The following FBXO31 variants were observed in gnomAD, a reference collection of about 807,000 sequenced individuals.
FBXO31 encodes F-box only protein 31.
A neutral mutation model predicts 54.4 loss-of-function variants in FBXO31; 24 were observed. The ratio of observed to expected loss-of-function variants is 0.44; its 90% CI spans 0.32 to 0.62. The LOEUF (loss-of-function observed/expected upper bound fraction) is 0.62. FBXO31 is among the 20% of genes least tolerant of loss of function. The probability of loss-of-function intolerance (pLI) is 0.05; values close to 1 mark genes in which losing one functional copy is unlikely to be tolerated. For synonymous variants in FBXO31, 388 were observed against 335.6 expected, an observed-to-expected ratio of 1.16 and a Z score of -1.71; for missense variants, 665 against 787.1, an observed-to-expected ratio of 0.84 and a Z score of 1.86.
Position 87,346,374 on chromosome 16 carries a change from C to G in FBXO31, c.489+800G>C, listed in dbSNP as rs970060751. Among the ~76,000 whole-genome samples the G allele has an allele frequency of 6.6e-6, 1 of 152,126 alleles. No homozygotes were observed. The highest frequency in any genetic ancestry group is 1.5e-5 in the Non-Finnish European group (1 of 68,032). ...ATCAGGAGAAAAGGCGGGGGCTAGA[C>G]TCGAAAGAAACTTTCACTACTGTAC... On this transcript the variant is annotated intron_variant, in intron 3 of 8. Coordinates refer to ENST00000311635, the MANE Select transcript of FBXO31 (RefSeq NM_024735.5). This position sits in a 1 kb window ranked among gnomAD's most constrained non-coding sequence, Gnocchi z 4.2.
intron 3 of FBXO31, 39 bp downstream of exon 3, chr16:87,347,135 G>A (rs927012091): frequency 6.3e-7 from 1 of 1,576,590 alleles, no homozygotes; most frequent in Non-Finnish European, 8.7e-7. Flanking sequence ...CACCACTCCT[G>A]CCCGTGCACA....
intron 1 of FBXO31, among the ~76,000 whole-genome samples, chr16:87,361,493 C>G (rs1223850369): frequency 6.6e-6 from 1 of 152,174 alleles, no homozygotes; most frequent in African/African-American, 2.4e-5. Flanking sequence ...TGACAGTGAC[C>G]TTGAAGGTCA....
rs559451069 is a variant in FBXO31, at chr16:87,329,092, A to G, written c.*2196T>C. 1.3e-5 allele frequency: 2 copies of G among 152,428 alleles called. No homozygotes were observed. The highest frequency in any genetic ancestry group is 2.1e-4 in the South Asian group (1 of 4,834). 9.4% of individuals were successfully genotyped at this position (152,428 alleles called of 1,614,324 possible). ...GGAGCCAAGAACTGGCTAAGGACACATCGGAGCGGAAAAAACAAGACCTGT... is the reference window on the plus strand; with the variant it reads ...GGAGCCAAGAACTGGCTAAGGACACGTCGGAGCGGAAAAAACAAGACCTGT... On this transcript the variant is annotated 3_prime_UTR_variant, in exon 9 of 9. Coordinates refer to ENST00000311635, the MANE Select transcript of FBXO31 (RefSeq NM_024735.5).
At chr16:87,357,492 C>G (rs1285817781) in intron 2 of FBXO31, among the ~76,000 whole-genome samples, 2 of 152,020 alleles carry the variant, frequency 1.3e-5, no homozygotes, top group Non-Finnish European at 2.9e-5. Context: ...CCACACCCAG[C>G]TAATTTTTGT....
At chr16:87,366,545 G>C (rs1906376409) in intron 1 of FBXO31, among the ~76,000 whole-genome samples, 1 of 152,132 alleles carries the variant, frequency 6.6e-6, no homozygotes, top group Non-Finnish European at 1.5e-5. Context: ...GAGCTGGGAG[G>C]GCAGAGCTGG....
upstream of FBXO31, among the ~76,000 whole-genome samples, chr16:87,390,328 C>CT (rs567002490): frequency 3.9e-5 from 6 of 152,302 alleles, no homozygotes; most frequent in African/African-American, 1.4e-4. Context: ...AGAACTACAA[C>CT]TAACGTCATT....
At chr16:87,368,412 A>G (rs897470684) in intron 1 of FBXO31, among the ~76,000 whole-genome samples, 1 of 152,228 alleles carries the variant, frequency 6.6e-6, no homozygotes, top group Non-Finnish European at 1.5e-5. Context: ...CCCTTAACAC[A>G]GCTCTCAGGC....
At chr16:87,360,684 C>G (rs776991298) in intron 1 of FBXO31, among the ~76,000 whole-genome samples, 3 of 152,244 alleles carry the variant, frequency 2.0e-5, no homozygotes, top group Non-Finnish European at 4.4e-5. Context: ...CAAGGTGAGG[C>G]AGAATTCAGT....
upstream of FBXO31, among the ~76,000 whole-genome samples, chr16:87,385,291 T>A (rs1175867181): frequency 2.0e-5 from 3 of 152,180 alleles, no homozygotes; most frequent in African/African-American, 7.2e-5. Flanking sequence ...ACCCCGTCTC[T>A]ACTAAAAATA....
upstream of FBXO31, among the ~76,000 whole-genome samples, chr16:87,390,430 A>G (rs1467845749): frequency 6.6e-5 from 10 of 152,032 alleles, 1 homozygote; most frequent in Admixed American, 5.9e-4. Flanking sequence ...AAGCACTTTG[A>G]GAAATATATT....
At chr16:87,354,686 G>C (rs900305843) in intron 2 of FBXO31, among the ~76,000 whole-genome samples, 3 of 152,180 alleles carry the variant, frequency 2.0e-5, no homozygotes, top group Non-Finnish European at 2.9e-5. Context: ...CTACTCCACA[G>C]GCCGGGCACA....
At chr16:87,337,535 G>A (rs1223906278) in intron 5 of FBXO31, among the ~76,000 whole-genome samples, 1 of 152,218 alleles carries the variant, frequency 6.6e-6, no homozygotes, top group Non-Finnish European at 1.5e-5. Context: ...GACTTGCCCA[G>A]TATAAGCTCC....
At chr16:87,388,236 GGA>G (rs999598602), upstream of FBXO31, among the ~76,000 whole-genome samples, 4 of 152,196 alleles carry the variant, frequency 2.6e-5, no homozygotes, top group Non-Finnish European at 4.4e-5. Context: ...ACTTCCCTGG[GGA>G]GGAAGACACT....
At position 87,374,301 on chromosome 16, in the gene FBXO31, A is replaced by C. The variant is rs535568577; in HGVS notation, c.340+9104T>G. On this transcript the variant is annotated intron_variant, in intron 1 of 8. Transcript: ENST00000311635. The stretch of plus-strand genomic sequence containing the variant: ...AAGTTGAAAATGCACTGACTACTTG[A>C]CTACCCCTAACCTACGGAACATCAC... Among the ~76,000 whole-genome samples, 7 of 152,266 alleles carry C rather than the reference A, an allele frequency of 4.6e-5. No individual in the cohort carries two copies. In the South Asian group the frequency reaches 1.2e-3, roughly 27 times the overall value.
chr16:87,360,665 GT>G (rs2150686090), intron 1 of FBXO31, among the ~76,000 whole-genome samples: 1 of 152,360 alleles, frequency 6.6e-6, no homozygotes, highest in Admixed American at 6.5e-5. Flanking sequence ...ACAATCCCTA[GT>G]TTATGAACAA....
chr16:87,385,657 C>T (rs1473067416), upstream of FBXO31, among the ~76,000 whole-genome samples: 1 of 152,074 alleles, frequency 6.6e-6, no homozygotes, highest in East Asian at 1.9e-4. Context: ...ATTTATAAAT[C>T]AAAGGAAAAT....
chr16:87,387,755 C>T (rs1414821409), upstream of FBXO31, among the ~76,000 whole-genome samples: 2 of 152,058 alleles, frequency 1.3e-5, no homozygotes, highest in African/African-American at 2.4e-5. Context: ...TGCAGTGAGC[C>T]GAGATGGCGC....
In FBXO31 at chr16:87,383,730, A is replaced by T; in HGVS notation, c.15T>A (p.Ala5=). 8.1e-7 allele frequency: 1 copy of T among 1,229,588 alleles called. No homozygotes were observed. The highest frequency in any genetic ancestry group is 3.4e-5 in the South Asian group (1 of 29,626). 76.2% of individuals were successfully genotyped at this position (1,229,588 alleles called of 1,614,324 possible). A position where few individuals can be genotyped will look rare whatever the true frequency, so the allele number is the denominator to read the frequency against. The change falls in exon 1 of 9, where the codon GCT becomes GCA. Residue 5 remains alanine (A), a synonymous_variant. Coordinates refer to ENST00000311635, the MANE Select transcript of FBXO31 (RefSeq NM_024735.5). The surrounding 1 kb of genome is among the most constrained non-coding windows in gnomAD (Gnocchi z 4.9). Reference sequence around the variant, plus strand: ...GCGACGGGCCCACGCCGCAAAGGCGAGCACACACCGCCATGCCGCCCAGTG... The same window carrying T: ...GCGACGGGCCCACGCCGCAAAGGCGTGCACACACCGCCATGCCGCCCAGTG... MAVC[A]RLCGVGPSRG... is the part of the protein sequence containing the mutation.
intron 2 of FBXO31, among the ~76,000 whole-genome samples, chr16:87,359,689 C>T (rs1048430795): frequency 3.9e-5 from 6 of 152,220 alleles, no homozygotes; most frequent in Admixed American, 1.3e-4. Context: ...CCAAGAGCTT[C>T]GTCCAGTGAG....
Sources: gnomAD v4.1 joint callset for allele counts (sites outside exome capture counted in the v4.1 genomes callset) on GRCh38, gnomAD v4.1.1 for gene constraint, Gnocchi (gnomAD v3.1) non-coding constraint, MANE v1.5 for transcripts, NCBI Gene and HGNC (gene_info 2026-07-23, HGNC 2026-07-21) for gene names.